The following EYS variants were observed in gnomAD, a reference collection of about 807,000 sequenced individuals.
EYS encodes the protein protein eyes shut homolog.
A neutral mutation model predicts 282.1 loss-of-function variants in EYS; 250 were observed. The ratio of observed to expected loss-of-function variants is 0.89; its 90% CI spans 0.80 to 0.98. The LOEUF is 0.98. Among genes scored for constraint, EYS ranks in the 50% least tolerant of loss-of-function variants. The pLI is 0.00. For missense variants in EYS, 4,016 were observed against 3,709.0 expected (o/e 1.08, Z -2.15); for synonymous variants, 1,355 against 1,282.9 (o/e 1.06, Z -1.20).
chr6:64,686,033 C>A (rs575489112), intron 22 of EYS, among the ~76,000 whole-genome samples: 3 of 151,192 alleles, frequency 2.0e-5, no homozygotes, highest in Admixed American at 1.3e-4. Context: ...ACACAATGCA[C>A]TTCTAACTCA....
chr6:64,776,820 T>A (rs1266074765), intron 22 of EYS, among the ~76,000 whole-genome samples: 2 of 152,162 alleles, frequency 1.3e-5, no homozygotes, highest in Non-Finnish European at 2.9e-5. Flanking sequence ...TTCATTAGCT[T>A]ACTAAGTGAG....
intron 22 of EYS, among the ~76,000 whole-genome samples, chr6:64,781,595 A>G (rs976557463): frequency 3.3e-5 from 5 of 151,436 alleles, no homozygotes; most frequent in Non-Finnish European, 7.4e-5. Flanking sequence ...AAAAAAAAAA[A>G]AGAAATGACA....
At chr6:64,144,900 C>T (rs1294371893) in intron 31 of EYS, among the ~76,000 whole-genome samples, 1 of 152,116 alleles carries the variant, frequency 6.6e-6, no homozygotes, top group Non-Finnish European at 1.5e-5. Flanking sequence ...AAGACAGTTT[C>T]TCAATAAGGG....
intron 1 of EYS, among the ~76,000 whole-genome samples, chr6:65,677,576 A>T (rs1265564986): frequency 6.6e-6 from 1 of 152,024 alleles, no homozygotes; most frequent in African/African-American, 2.4e-5. Context: ...AAATGGAAAG[A>T]TATCCTGTAT....
At chr6:63,968,388 A>C (rs1436097131) in intron 35 of EYS, among the ~76,000 whole-genome samples, 1 of 152,182 alleles carries the variant, frequency 6.6e-6, no homozygotes, top group Non-Finnish European at 1.5e-5. Flanking sequence ...CAACAAAAGA[A>C]TCACAGCTGG....
chr6:64,450,808 A>G (rs934329472), intron 26 of EYS, among the ~76,000 whole-genome samples: 3 of 152,242 alleles, frequency 2.0e-5, no homozygotes, highest in African/African-American at 7.2e-5. Context: ...TTTGAAAGCA[A>G]CGAGAACAAA....
chr6:64,922,337 C>T lies in EYS; in HGVS notation c.2382-9594G>A, dbSNP rs985842336. On this transcript the variant is annotated intron_variant, in intron 15 of 42. Transcript: ENST00000503581. ...CCACAAATACTAAGGTTTTGAAGAACTAAATTTAAAGATAAGAAAAACTTA... is the reference window on the plus strand; with the variant it reads ...CCACAAATACTAAGGTTTTGAAGAATTAAATTTAAAGATAAGAAAAACTTA... 2.0e-5 allele frequency among the ~76,000 whole-genome samples: 3 copies of T among 152,008 alleles called. No homozygotes were observed. The South Asian group carries it at 6.2e-4, about 31-fold the overall frequency.
At chr6:63,788,449 T>C (rs1442958784) in intron 38 of EYS, among the ~76,000 whole-genome samples, 200 bp from the exon 39 acceptor site, 2 of 152,198 alleles carry the variant, frequency 1.3e-5, no homozygotes, top group African/African-American at 2.4e-5. Context: ...ATAGCAGTCA[T>C]GGTTTTGCAT....
chr6:63,796,538 T>A (rs1770649178), intron 37 of EYS, among the ~76,000 whole-genome samples: 1 of 152,202 alleles, frequency 6.6e-6, no homozygotes, highest in African/African-American at 2.4e-5. Context: ...AAGGAAAGAC[T>A]TAATAGTAAA....
chr6:65,309,186 G>A (rs1393178916), intron 11 of EYS, among the ~76,000 whole-genome samples: 2 of 149,056 alleles, frequency 1.3e-5, no homozygotes, highest in Non-Finnish European at 3.0e-5. Context: ...AATAAATAAA[G>A]GCTGTTGATG....
intron 31 of EYS, among the ~76,000 whole-genome samples, chr6:64,117,869 C>T (rs1033970634): frequency 1.3e-5 from 2 of 151,934 alleles, no homozygotes; most frequent in Non-Finnish European, 2.9e-5. Context: ...TTGGGATACA[C>T]AATCAACATA....
At chr6:64,709,883 C>A (rs901712439) in intron 22 of EYS, among the ~76,000 whole-genome samples, 2 of 152,082 alleles carry the variant, frequency 1.3e-5, no homozygotes, top group Non-Finnish European at 2.9e-5. Context: ...ATATTTTTAA[C>A]CTGGTTTTTT....
chr6:63,989,097 T>G (rs988837223), intron 34 of EYS, among the ~76,000 whole-genome samples: 18 of 151,658 alleles, frequency 1.2e-4, no homozygotes, highest in African/African-American at 4.3e-4. Context: ...GTTAAATGAC[T>G]TGTGTTACTA....
At chr6:64,411,066 G>C (rs1020821185) in intron 28 of EYS, among the ~76,000 whole-genome samples, 20 of 152,198 alleles carry the variant, frequency 1.3e-4, no homozygotes, top group African/African-American at 4.3e-4. Context: ...ATTACAAAGT[G>C]TATGTGTGGG....
At chr6:64,884,902 G>C (rs1399314158) in intron 19 of EYS, among the ~76,000 whole-genome samples, 1 of 151,570 alleles carries the variant, frequency 6.6e-6, no homozygotes, top group African/African-American at 2.4e-5. Context: ...TTTGCTCAGT[G>C]ACATATTAGC....
chr6:64,310,078 A>C (rs71570672), intron 29 of EYS, among the ~76,000 whole-genome samples: 37,157 of 145,088 alleles, frequency 0.26, 4,950 homozygotes, highest in Admixed American at 0.34. Flanking sequence ...ATAAAAAAAA[A>C]AATAACAGAT....
chr6:63,888,040 G>A (rs1027669950), intron 35 of EYS, among the ~76,000 whole-genome samples: 36 of 152,140 alleles, frequency 2.4e-4, no homozygotes, highest in African/African-American at 8.7e-4. Context: ...AAACTGGGTG[G>A]AACCCACTGC....
At chr6:65,555,408 T>G (rs916161502) in intron 2 of EYS, among the ~76,000 whole-genome samples, 5 of 152,160 alleles carry the variant, frequency 3.3e-5, no homozygotes, top group Non-Finnish European at 5.9e-5. Context: ...ACTGCTTAAA[T>G]GATCTATTTA....
At chr6:65,485,347 T>G (rs1012591907) in intron 5 of EYS, among the ~76,000 whole-genome samples, 3 of 152,244 alleles carry the variant, frequency 2.0e-5, no homozygotes, top group Non-Finnish European at 4.4e-5. Flanking sequence ...GAAGGTCTTC[T>G]TACATATCAC....
Sources: gnomAD v4.1 joint callset for allele counts (sites outside exome capture counted in the v4.1 genomes callset) on GRCh38, gnomAD v4.1.1 for gene constraint, MANE v1.5 for transcripts, NCBI Gene and HGNC (gene_info 2026-07-23, HGNC 2026-07-21) for gene names.